The following PACRG variants were observed in gnomAD, a reference collection of about 807,000 sequenced individuals.
PACRG encodes the protein parkin coregulated gene protein.
Under a neutral mutation model 29.7 loss-of-function variants are expected in PACRG, and 29 were observed. The ratio of observed to expected loss-of-function variants is 0.98; its 90% CI spans 0.73 to 1.33. The LOEUF (loss-of-function observed/expected upper bound fraction) is 1.33. PACRG is among the 40% of genes most tolerant of loss of function. The probability of loss-of-function intolerance (pLI) is 0.00; values close to 1 mark genes in which losing one functional copy is unlikely to be tolerated. For synonymous variants in PACRG, 116 were observed against 118.7 expected (o/e 0.98, Z 0.15); for missense variants, 279 against 316.2 (o/e 0.88, Z 0.89).
At chr6:162,975,098 TG>T (rs1801839330) in intron 2 of PACRG, among the ~76,000 whole-genome samples, 1 of 152,170 alleles carries the variant, frequency 6.6e-6, no homozygotes, top group South Asian at 2.1e-4. Context: ...GAGCTTGTTT[TG>T]TTGTGTTCTC....
chr6:162,974,706 A>G (rs568994155), intron 2 of PACRG, among the ~76,000 whole-genome samples: 2 of 152,322 alleles, frequency 1.3e-5, no homozygotes, highest in Admixed American at 6.5e-5. Flanking sequence ...TATCATGCTT[A>G]GTGTATTGTT....
At chr6:162,937,424 GA>G (rs1388260299) in intron 2 of PACRG, among the ~76,000 whole-genome samples, 1 of 152,112 alleles carries the variant, frequency 6.6e-6, no homozygotes, top group Non-Finnish European at 1.5e-5. Flanking sequence ...TCCCAACACT[GA>G]AAGAATGCGG....
At chr6:163,100,762 G>C in intron 4 of PACRG, 1 of 981,740 alleles carries the variant, frequency 1.0e-6, no homozygotes, top group Non-Finnish European at 1.2e-6. Context: ...TACTTTGACA[G>C]AATGGAATAT....
intron 4 of PACRG, among the ~76,000 whole-genome samples, chr6:163,274,189 C>T (rs951171829): frequency 6.6e-6 from 1 of 152,170 alleles, no homozygotes; most frequent in East Asian, 1.9e-4. Context: ...GCTCCCTCCA[C>T]CCCCCAACAG....
intron 3 of PACRG, among the ~76,000 whole-genome samples, chr6:163,064,468 T>C (rs1034312909): frequency 1.3e-5 from 2 of 152,212 alleles, no homozygotes; most frequent in African/African-American, 4.8e-5. Flanking sequence ...AATGACAATT[T>C]ATCTTGGTTG....
Position 162,814,294 on chromosome 6 carries a change from A to G in PACRG, c.291+13A>G. 1 of 1,612,780 alleles carries G rather than the reference A, an allele frequency of 6.2e-7. No homozygotes were observed. Among genetic ancestry groups the G allele is most frequent in the Non-Finnish European group, 8.5e-7 (1 of 1,179,114 alleles). ...AATCGCCTGGAAGGTAAGTCAGGGC[A>G]CAGCTGTGCCGGCCAGCTGCACCCG... On this transcript the variant is annotated intron_variant, in intron 2 of 4. Coordinates refer to ENST00000366888, the MANE Select transcript of PACRG (RefSeq NM_001080379.2).
intron 2 of PACRG, among the ~76,000 whole-genome samples, chr6:162,963,732 A>T (rs1194292594): frequency 6.9e-6 from 1 of 144,642 alleles, no homozygotes; most frequent in East Asian, 2.1e-4. Flanking sequence ...TTATATGTAT[A>T]AAATAATTGT....
At chr6:163,264,031 G>A (rs950275218) in intron 4 of PACRG, among the ~76,000 whole-genome samples, 2 of 152,218 alleles carry the variant, frequency 1.3e-5, no homozygotes, top group African/African-American at 4.8e-5. Flanking sequence ...TGTGCCTTTA[G>A]CCCATTTTAT....
intron 4 of PACRG, among the ~76,000 whole-genome samples, chr6:163,143,352 G>A (rs1191567511): frequency 6.6e-6 from 1 of 152,310 alleles, no homozygotes; most frequent in Non-Finnish European, 1.5e-5. Flanking sequence ...CCATGGCTTC[G>A]TGGTTTCCAA....
chr6:163,187,475 A>G (rs1279916452), intron 4 of PACRG, among the ~76,000 whole-genome samples: 2 of 152,114 alleles, frequency 1.3e-5, no homozygotes, highest in South Asian at 2.1e-4. Context: ...CCTCCCCTCC[A>G]TGAATGTATC....
intron 2 of PACRG, among the ~76,000 whole-genome samples, chr6:163,017,019 T>C (rs1016862034): frequency 1.3e-5 from 2 of 152,126 alleles, no homozygotes; most frequent in East Asian, 3.8e-4. Flanking sequence ...TAAAATATAT[T>C]TAAAATTTGT....
chr6:162,994,280 C>T (rs372246509), intron 2 of PACRG, among the ~76,000 whole-genome samples: 3 of 147,802 alleles, frequency 2.0e-5, no homozygotes, highest in Non-Finnish European at 2.9e-5. Context: ...TGAATCTGAA[C>T]GTTGGCCTGC....
chr6:163,262,873 C>A (rs184569581), intron 4 of PACRG, among the ~76,000 whole-genome samples: 23 of 148,660 alleles, frequency 1.5e-4, no homozygotes, highest in Middle Eastern at 3.4e-3. Flanking sequence ...GAGACCCCCC[C>A]CCCCATGTCA....
intron 2 of PACRG, among the ~76,000 whole-genome samples, chr6:163,061,726 CT>C (rs1209208118): frequency 1.3e-5 from 2 of 152,178 alleles, no homozygotes; most frequent in Non-Finnish European, 2.9e-5. Context: ...ACTTCTGTAG[CT>C]TTCTTCTTAG....
At chr6:162,875,124 G>T (rs1285444038) in intron 2 of PACRG, among the ~76,000 whole-genome samples, 3 of 151,818 alleles carry the variant, frequency 2.0e-5, no homozygotes, top group African/African-American at 7.3e-5. Flanking sequence ...CACATACATA[G>T]TCATGCACAT....
chr6:162,843,938 G>A (rs1377216375), intron 2 of PACRG, among the ~76,000 whole-genome samples: 1 of 91,868 alleles, frequency 1.1e-5, no homozygotes, highest in Non-Finnish European at 2.2e-5. Context: ...ACCCACTTGA[G>A]GAGGCAGTCT....
In PACRG at chr6:163,269,024, C is replaced by T. The variant is rs577610875; in HGVS notation, c.614-45803C>T. 2.6e-5 allele frequency among the ~76,000 whole-genome samples: 4 copies of T among 152,268 alleles called. No homozygotes were observed. In the South Asian group the frequency reaches 8.3e-4, roughly 32 times the overall value. On this transcript the variant is annotated intron_variant, in intron 4 of 4. Transcript: ENST00000366888. ...GATATTGTCTCAATCCTAGCAACAG[C>T]CAATTGGAAATGTCAGTTTTTAAAA...
At chr6:163,096,542 G>A (rs1262372168) in intron 4 of PACRG, among the ~76,000 whole-genome samples, 4 of 152,160 alleles carry the variant, frequency 2.6e-5, no homozygotes, top group East Asian at 3.9e-4. Flanking sequence ...ACTGTTTGCC[G>A]GCTGTGGCTT....
At chr6:162,960,498 G>T (rs145540199) in intron 2 of PACRG, among the ~76,000 whole-genome samples, 19 of 152,224 alleles carry the variant, frequency 1.2e-4, no homozygotes, top group Non-Finnish European at 2.2e-4. Flanking sequence ...GCAAATTAAC[G>T]CAGGAACAGA....
Sources: allele counts gnomAD v4.1 joint callset (sites outside exome capture counted in the v4.1 genomes callset), GRCh38; gene constraint gnomAD v4.1.1; transcripts MANE v1.5; gene names NCBI Gene and HGNC (gene_info 2026-07-23, HGNC 2026-07-21).